Variants in PDE10A observed in about 807,000 individuals in gnomAD.
PDE10A encodes the protein cAMP and cAMP-inhibited cGMP 3',5'-cyclic phosphodiesterase 10A.
In PDE10A, 39 loss-of-function variants were observed where a neutral mutation model predicts 97.7. That is an observed-to-expected ratio of 0.40 (90% CI 0.31 to 0.52). PDE10A has a LOEUF of 0.52. Among genes scored for constraint, PDE10A ranks in the 20% least tolerant of loss-of-function variants. PDE10A has a pLI of 0.56. For synonymous variants in PDE10A, 371 were observed against 376.8 expected (o/e 0.98, Z 0.18); for missense variants, 731 against 1,047.8 (o/e 0.70, Z 4.17).
Position 165,410,950 on chromosome 6 carries a change from T to G in PDE10A, c.2076+2551A>C, listed in dbSNP as rs1208333412. 8.3e-5 allele frequency among the ~76,000 whole-genome samples: 3 copies of G among 36,354 alleles called. 1 individual carries two copies. The highest frequency in any genetic ancestry group is 6.7e-4 in the African/African-American group (2 of 3,000). 23.8% of individuals were successfully genotyped at this position (36,354 alleles called of 152,430 possible). ...AAAAATACAAAAAAATAGCCGGGCG[T>G]GGTGGCGGTGCCTGTAGTCCCAGCT... is the stretch of plus-strand genomic sequence containing the variant. On this transcript the variant is annotated intron_variant, in intron 13 of 21. Coordinates refer to ENST00000539869, the MANE Select transcript of PDE10A (RefSeq NM_001385079.1).
intron 1 of PDE10A, among the ~76,000 whole-genome samples, chr6:165,924,512 A>G (rs1308080440): frequency 6.6e-6 from 1 of 152,180 alleles, no homozygotes; most frequent in Non-Finnish European, 1.5e-5. Context: ...TCCATGTTGC[A>G]TAGAAGATCT....
chr6:165,551,716 A>G (rs1784025683), intron 1 of PDE10A, among the ~76,000 whole-genome samples: 1 of 152,154 alleles, frequency 6.6e-6, no homozygotes, highest in Admixed American at 6.5e-5. Context: ...CAGGAGTGTT[A>G]TTGGTCAGGG....
chr6:165,709,067 G>A (rs113095425), intron 1 of PDE10A, among the ~76,000 whole-genome samples: 7 of 91,254 alleles, frequency 7.7e-5, no homozygotes, highest in African/African-American at 2.1e-4. Flanking sequence ...CCATGCTTCC[G>A]CGCTCTTCCT....
chr6:165,867,897 T>G (rs1017290026), intron 1 of PDE10A, among the ~76,000 whole-genome samples: 1 of 152,008 alleles, frequency 6.6e-6, no homozygotes, highest in African/African-American at 2.4e-5. Context: ...TGCAAATACA[T>G]GGAAATTAAA....
chr6:165,699,583 G>A (rs370799713), intron 1 of PDE10A, among the ~76,000 whole-genome samples: 1 of 152,090 alleles, frequency 6.6e-6, no homozygotes, highest in Non-Finnish European at 1.5e-5. Context: ...TAGACTATAT[G>A]CTAGGCCATA....
chr6:165,465,908 T>C (rs905915278), intron 3 of PDE10A, among the ~76,000 whole-genome samples: 7 of 152,138 alleles, frequency 4.6e-5, no homozygotes, highest in Non-Finnish European at 8.8e-5. Context: ...AGAGAATGCA[T>C]CTTAAAGAAT....
chr6:165,963,056 A>G (rs1784405298), intron 1 of PDE10A, among the ~76,000 whole-genome samples: 1 of 152,244 alleles, frequency 6.6e-6, no homozygotes, highest in African/African-American at 2.4e-5. Flanking sequence ...GAAATTTGTC[A>G]TATGTTAACA....
At chr6:165,577,260 C>A (rs1358012867) in intron 1 of PDE10A, among the ~76,000 whole-genome samples, 3 of 152,188 alleles carry the variant, frequency 2.0e-5, no homozygotes, top group African/African-American at 7.2e-5. Flanking sequence ...CCTCAACTTG[C>A]CTTTCTGGTT....
At chr6:165,698,234 A>G (rs1314093562) in intron 1 of PDE10A, among the ~76,000 whole-genome samples, 1 of 152,352 alleles carries the variant, frequency 6.6e-6, no homozygotes, top group East Asian at 1.9e-4. Flanking sequence ...GAGTTGAGGC[A>G]GTTACAGGAA....
At chr6:165,644,660 G>T (rs936676941) in intron 1 of PDE10A, among the ~76,000 whole-genome samples, 1 of 152,190 alleles carries the variant, frequency 6.6e-6, no homozygotes, top group Admixed American at 6.5e-5. Flanking sequence ...CACACTGCAT[G>T]TACTTCATCA....
rs1046329887 is a variant in PDE10A at position 165,413,412 on chromosome 6, A to T, written c.2076+89T>A. On this transcript the variant is annotated intron_variant, in intron 13 of 21. Coordinates refer to ENST00000539869, the MANE Select transcript of PDE10A (RefSeq NM_001385079.1). Reference sequence around the variant, plus strand: ...CTGGTTTGTAAAGGAAATATAAATGAAAAAAAAAAAGCCCTTAAGCTGCTT... The same window carrying T: ...CTGGTTTGTAAAGGAAATATAAATGTAAAAAAAAAAGCCCTTAAGCTGCTT... 176 of 300,552 alleles carry T rather than the reference A, an allele frequency of 5.9e-4. 1 individual carries two copies. In the East Asian group the frequency reaches 6.8e-3, roughly 12 times the overall value. The allele number at this position is 300,552 out of a possible 1,614,324, so 18.6% of individuals were successfully genotyped here. A position where few individuals can be genotyped will look rare whatever the true frequency, so the allele number is the denominator to read the frequency against.
chr6:165,752,399 G>T (rs1033754901), intron 1 of PDE10A, among the ~76,000 whole-genome samples: 11 of 152,138 alleles, frequency 7.2e-5, no homozygotes, highest in African/African-American at 2.4e-4. Flanking sequence ...GAGGATCCCG[G>T]GACCATGTGT....
At position 165,501,123 on chromosome 6, in the gene PDE10A, C is replaced by T. The variant is rs572183529; in HGVS notation, c.995-18780G>A. On this transcript the variant is annotated intron_variant, in intron 2 of 21. Transcript: ENST00000539869. The stretch of plus-strand genomic sequence containing the variant: ...CGGCTCGGGTCCTCCACATGCTGAG[C>T]GCCGGTACCCTGGGCCAATTTGTCT... Among the ~76,000 whole-genome samples, 7 of 152,216 alleles carry T rather than the reference C, an allele frequency of 4.6e-5. No homozygotes were observed. The East Asian group carries it at 7.8e-4, about 17-fold the overall frequency.
At chr6:165,619,064 GTAGTGTAGTGTAGTC>G (rs1787876181) in intron 1 of PDE10A, among the ~76,000 whole-genome samples, 4 of 139,384 alleles carry the variant, frequency 2.9e-5, no homozygotes, top group Admixed American at 2.1e-4. Flanking sequence ...GTGGTGTAGT[GTAGTGTAGTGTAGTC>G]TAGTGTAGTC....
At chr6:165,447,208 GT>G (rs1235278717) in intron 5 of PDE10A, among the ~76,000 whole-genome samples, 3 of 152,164 alleles carry the variant, frequency 2.0e-5, no homozygotes, top group Non-Finnish European at 2.9e-5. Context: ...TAGCCATAGG[GT>G]TCCTGCTGCC....
At chr6:165,839,383 G>A (rs548095157) in intron 1 of PDE10A, among the ~76,000 whole-genome samples, 3 of 152,282 alleles carry the variant, frequency 2.0e-5, no homozygotes, top group Admixed American at 6.5e-5. Flanking sequence ...CCTTCAACAA[G>A]TGGTCAAGAT....
At chr6:165,505,925 G>C (rs1010334808) in intron 2 of PDE10A, among the ~76,000 whole-genome samples, 11 of 151,934 alleles carry the variant, frequency 7.2e-5, no homozygotes, top group African/African-American at 2.7e-4. Context: ...AAAGTAACAT[G>C]CATAAAAATA....
chr6:165,468,993 A>C (rs1351360097), intron 3 of PDE10A, among the ~76,000 whole-genome samples: 14 of 152,232 alleles, frequency 9.2e-5, no homozygotes, highest in African/African-American at 3.4e-4. Context: ...ATGGTGTGGC[A>C]AAACAGGTGG....
At chr6:165,983,590 C>T (rs1244823269) in intron 1 of PDE10A, among the ~76,000 whole-genome samples, 1 of 152,224 alleles carries the variant, frequency 6.6e-6, no homozygotes, top group East Asian at 1.9e-4. Flanking sequence ...AATTTCCAGT[C>T]GCCTTCATTT....
Sources: gnomAD v4.1 joint callset for allele counts (sites outside exome capture counted in the v4.1 genomes callset) on GRCh38, gnomAD v4.1.1 for gene constraint, MANE v1.5 for transcripts, NCBI Gene and HGNC (gene_info 2026-07-23, HGNC 2026-07-21) for gene names.